TECTA: variants seen among roughly 807,000 people sequenced by gnomAD.
TECTA encodes alpha-tectorin.
Under a neutral mutation model 216.8 loss-of-function variants are expected in TECTA, and 128 were observed. That is an observed-to-expected ratio of 0.59 (90% confidence interval 0.51 to 0.68). TECTA has a LOEUF of 0.68. TECTA is among the 30% of genes least tolerant of loss of function. The pLI is 0.00. For missense variants in TECTA, 2,551 were observed against 2,786.2 expected (o/e 0.92, Z 1.90); for synonymous variants, 1,089 against 1,117.1 (o/e 0.97, Z 0.50).
chr11:121,160,479 T>C, intron 15 of TECTA, 58 bp downstream of exon 15: 1 of 1,594,366 alleles, frequency 6.3e-7, no homozygotes, highest in South Asian at 1.1e-5. Context: ...CTCACGTCCA[T>C]GGGTGGTGTG....
At chr11:121,103,166 T>C (rs963054895) in intron 2 of TECTA, among the ~76,000 whole-genome samples, 13 of 152,172 alleles carry the variant, frequency 8.5e-5, no homozygotes, top group African/African-American at 3.1e-4. Context: ...GGTTTGTGTA[T>C]CAGTGACCTT....
chr11:121,188,981 G>T (rs1947314506), intron 21 of TECTA, 99 bp from the exon 22 acceptor site: 2 of 1,219,296 alleles, frequency 1.6e-6, no homozygotes, highest in African/African-American at 1.5e-5. Flanking sequence ...CATAATGCTT[G>T]AGGCCAGAGC....
Position 121,191,213 on chromosome 11 carries a change from G to A in TECTA, c.*407G>A, listed in dbSNP as rs1041555726. On this transcript the variant is annotated 3_prime_UTR_variant, in exon 24 of 24. Coordinates refer to ENST00000392793, the MANE Select transcript of TECTA (RefSeq NM_005422.4). The stretch of plus-strand genomic sequence containing the variant: ...GAGGGCCTGTTGGAACGATTTTGAA[G>A]TGATGACTGGAAGGTTTGACTCCCT... 3 of 297,020 alleles carry A rather than the reference G, an allele frequency of 1.0e-5. No homozygotes were observed. Among genetic ancestry groups the A allele is most frequent in the African/African-American group, 6.6e-5 (3 of 45,738 alleles). 18.4% of individuals were successfully genotyped at this position (297,020 alleles called of 1,614,324 possible).
intron 11 of TECTA, among the ~76,000 whole-genome samples, chr11:121,142,198 T>C (rs1224071586): frequency 6.6e-6 from 1 of 152,184 alleles, no homozygotes; most frequent in African/African-American, 2.4e-5. Context: ...AAAACTCTAA[T>C]ATGTGGTCTT....
chr11:121,131,278 T>C (rs1170831532), intron 10 of TECTA, among the ~76,000 whole-genome samples: 2 of 151,432 alleles, frequency 1.3e-5, no homozygotes, highest in Admixed American at 6.6e-5. Context: ...CCGTTTTTAA[T>C]TGGCAAAAGT....
At chr11:121,144,191 G>A (rs1203230067) in intron 11 of TECTA, among the ~76,000 whole-genome samples, 1 of 152,136 alleles carries the variant, frequency 6.6e-6, no homozygotes, top group African/African-American at 2.4e-5. Flanking sequence ...TGAGAGGCAG[G>A]GCCAGCTCCT....
chr11:121,125,136 C>A (rs1039333643), intron 7 of TECTA, among the ~76,000 whole-genome samples, 166 bp from the exon 8 acceptor site: 17 of 152,266 alleles, frequency 1.1e-4, no homozygotes. Context: ...TCCATTTCCC[C>A]CCCGGCCTTT....
chr11:121,101,537 C>T (rs776428957), intron 1 of TECTA, 95 bp downstream of exon 1: 12 of 151,356 alleles, frequency 7.9e-5, no homozygotes, highest in South Asian at 4.2e-4. Flanking sequence ...TAAACTTGCA[C>T]GGCATCTTCT....
intron 11 of TECTA, among the ~76,000 whole-genome samples, chr11:121,140,526 A>T (rs1468879648): frequency 2.6e-5 from 4 of 152,250 alleles, no homozygotes; most frequent in Non-Finnish European, 5.9e-5. Flanking sequence ...AAGGGCTGCC[A>T]TAATGAAATA....
rs766817801 is a variant in TECTA, at chr11:121,125,462, A to G, written c.1364A>G (p.Asn455Ser). 2 of 1,613,722 alleles carry G rather than the reference A, an allele frequency of 1.2e-6. No individual in the cohort carries two copies. The highest frequency in any genetic ancestry group is 8.5e-7 in the Non-Finnish European group (1 of 1,179,928). The change falls in exon 8 of 24, where the codon AAC (asparagine) becomes AGC (serine). Residue 455 changes from asparagine (N) to serine (S), a missense_variant. Physicochemically the swap from Asn to Ser is conservative, Grantham distance 46. Around this residue, in one of 3 missense-constraint regions of TECTA, gnomAD observed 2,375 missense variants for 2,563.9 expected, o/e 0.93. Transcript: ENST00000392793. ...ASISVPGSYI[N>S]STCGLCGNYN... is the part of the protein sequence containing the mutation. ...ATTTCCGTCCCAGGCTCCTATATAA[A>G]CTCCACCTGTGGACTCTGTGGAAAC...
chr11:121,138,505 C>G (rs1442795590), intron 11 of TECTA, among the ~76,000 whole-genome samples: 1 of 152,202 alleles, frequency 6.6e-6, no homozygotes, highest in African/African-American at 2.4e-5. Flanking sequence ...TTCTGGCCTC[C>G]CTCCGTCTCT....
Position 121,168,179 on chromosome 11 carries a change from C to G in TECTA, c.5712C>G (p.Ile1904Met), listed in dbSNP as rs1474653621. 5 of 1,614,092 alleles carry G rather than the reference C, an allele frequency of 3.1e-6. No individual in the cohort carries two copies. The African/African-American group carries it at 4.0e-5, about 13-fold the overall frequency. The stretch of plus-strand genomic sequence containing the variant: ...TTTCATGTGCTTATGAGCTGGATAT[C>G]AAGATCTCCTTGGATTCTGTTGTGA... The part of the protein sequence containing the change: ...VEFSCAYELD[I>M]KISLDSVVKP... Residue 1904 changes from isoleucine to methionine, a missense_variant, in exon 19 of 24, where the codon ATC (isoleucine) becomes ATG (methionine). By Grantham distance (10) the Ile-to-Met change is conservative. Around this residue, in one of 3 missense-constraint regions of TECTA, gnomAD observed 2,375 missense variants for 2,563.9 expected, o/e 0.93. Transcript: ENST00000392793.
Position 121,118,349 on chromosome 11 carries a change from C to T in TECTA, c.834C>T (p.Asn278=). The change falls in exon 7 of 24, where the codon AAC becomes AAT. Residue 278 remains asparagine (N), a synonymous_variant. Coordinates refer to ENST00000392793, the MANE Select transcript of TECTA (RefSeq NM_005422.4). The stretch of plus-strand genomic sequence containing the variant: ...GGGAGGTGTTTTGGGATGACTTGAA[C>T]TGCACCGTCAAGTGCCGCTGTCTGG... ...RRGEVFWDDL[N]CTVKCRCLDF... 1.9e-6 allele frequency: 3 copies of T among 1,614,196 alleles called. No homozygotes were observed. Among genetic ancestry groups the T allele is most frequent in the Non-Finnish European group, 2.5e-6 (3 of 1,180,048 alleles).
intron 20 of TECTA, among the ~76,000 whole-genome samples, chr11:121,183,239 G>A (rs1947248519): frequency 6.6e-6 from 1 of 152,090 alleles, no homozygotes; most frequent in Non-Finnish European, 1.5e-5. Context: ...GGGATGTTGG[G>A]CCCCAGGGCA....
chr11:121,144,834 G>A (rs912539679), intron 11 of TECTA, among the ~76,000 whole-genome samples: 1 of 152,178 alleles, frequency 6.6e-6, no homozygotes, highest in African/African-American at 2.4e-5. Flanking sequence ...CCATAATCTT[G>A]TAGGTGAGAT....
intron 20 of TECTA, among the ~76,000 whole-genome samples, chr11:121,182,835 G>A (rs1250864184): frequency 6.6e-6 from 1 of 151,618 alleles, no homozygotes; most frequent in African/African-American, 2.4e-5. Context: ...CAGATCCCTC[G>A]ACAGGATACA....
chr11:121,125,452 T>C lies in TECTA; in HGVS notation c.1354T>C (p.Ser452Pro). 6.2e-7 allele frequency: 1 copy of C among 1,614,158 alleles called. No individual in the cohort carries two copies. Among genetic ancestry groups the C allele is most frequent in the Non-Finnish European group, 8.5e-7 (1 of 1,180,034 alleles). The change falls in exon 8 of 24, where the codon TCC becomes CCC. Residue 452 changes from serine (S) to proline (P), a missense_variant. Coordinates refer to ENST00000392793, the MANE Select transcript of TECTA (RefSeq NM_005422.4). ...CTACGCCTCCATTTCCGTCCCAGGC[T>C]CCTATATAAACTCCACCTGTGGACT... ...QHYASISVPGSYINSTCGLCG... is the reference protein window; with the variant it reads ...QHYASISVPGPYINSTCGLCG...
At chr11:121,145,001 C>G (rs1428662056) in intron 11 of TECTA, among the ~76,000 whole-genome samples, 1 of 152,154 alleles carries the variant, frequency 6.6e-6, no homozygotes, top group Non-Finnish European at 1.5e-5. Flanking sequence ...TTAATTCTGA[C>G]CACGGGCTCA....
rs750624878 is a variant in TECTA at position 121,158,001 on chromosome 11, C to T, written c.4466C>T (p.Ala1489Val). Residue 1489 changes from alanine (A) to valine (V), a missense_variant, in exon 14 of 24, where the codon GCG (alanine) becomes GTG (valine). This residue lies in a region of TECTA where 2,375 missense variants were observed against 2,563.9 expected (regional missense o/e 0.93). Transcript: ENST00000392793. ...AGCACCAAGACCTCCTACTGCCTGG[C>T]GGCCGGCGGCGGCGTCTTCCGCACC... ...CFSTKTSYCL[A>V]AGGGVFRTFD... The T allele has an allele frequency of 1.2e-6, 2 of 1,612,810 alleles. No individual in the cohort carries two copies.
Sources: gnomAD v4.1 joint callset for allele counts (sites outside exome capture counted in the v4.1 genomes callset) on GRCh38, gnomAD v4.1.1 for gene constraint, gnomAD v4.1.1 regional missense constraint, MANE v1.5 for transcripts, NCBI Gene and HGNC (gene_info 2026-07-23, HGNC 2026-07-21) for gene names.